Variants in CAPS2 observed in about 807,000 individuals in gnomAD.
CAPS2 encodes calcyphosin-2.
Under a neutral mutation model 86.5 loss-of-function variants are expected in CAPS2, and 98 were observed. That is an observed-to-expected ratio of 1.13 (90% CI 0.96 to 1.34). The LOEUF is 1.34. Among genes scored for constraint, CAPS2 ranks in the 40% most tolerant of loss-of-function variants. The probability of loss-of-function intolerance (pLI) is 0.00; values close to 1 mark genes in which losing one functional copy is unlikely to be tolerated. For synonymous variants in CAPS2, 210 were observed against 225.1 expected, an observed-to-expected ratio of 0.93 and a Z score of 0.60; for missense variants, 729 against 686.8, an observed-to-expected ratio of 1.06 and a Z score of -0.69.
chr12:75,335,844 T>C (rs1394408845), intron 1 of CAPS2, among the ~76,000 whole-genome samples: 1 of 151,990 alleles, frequency 6.6e-6, no homozygotes, highest in African/African-American at 2.4e-5. Context: ...TAACTAGAAA[T>C]AAATCTTCAA....
intron 8 of CAPS2, among the ~76,000 whole-genome samples, chr12:75,300,553 CT>C (rs1466751643): frequency 3.1e-5 from 2 of 64,184 alleles, no homozygotes; most frequent in African/African-American, 1.3e-4. Context: ...CAGACTCCGT[CT>C]CAAAAAAAAA....
intron 9 of CAPS2, 150 bp from the exon 10 acceptor site, chr12:75,299,116 A>C: frequency 1.9e-6 from 1 of 525,252 alleles, no homozygotes; most frequent in Non-Finnish European, 3.3e-6. Flanking sequence ...GGAAAACACA[A>C]AAACATAGCT....
At chr12:75,288,643 C>G (rs915779013) in intron 14 of CAPS2, among the ~76,000 whole-genome samples, 1 of 152,154 alleles carries the variant, frequency 6.6e-6, no homozygotes, top group Non-Finnish European at 1.5e-5. Flanking sequence ...AAAATCCAAC[C>G]CTCTTAGCAT....
At chr12:75,373,252 G>A (rs1211693010) in intron 1 of CAPS2, among the ~76,000 whole-genome samples, 1 of 152,176 alleles carries the variant, frequency 6.6e-6, no homozygotes, top group Non-Finnish European at 1.5e-5. Context: ...GATGACAGGG[G>A]TGTCTGGGGA....
rs573847915 is a variant in CAPS2, at chr12:75,291,140, A to C, written c.1240+604T>G. Among the ~76,000 whole-genome samples the C allele has an allele frequency of 6.6e-5, 10 of 152,086 alleles. No individual in the cohort carries two copies. In the South Asian group the frequency reaches 2.1e-3, roughly 31 times the overall value. Reference sequence around the variant, plus strand: ...ACAACCCTGGAAATTTCATATGAGAAGTACTATCATCCCTATTTTAGAGAT... The same window carrying C: ...ACAACCCTGGAAATTTCATATGAGACGTACTATCATCCCTATTTTAGAGAT... On this transcript the variant is annotated intron_variant, in intron 13 of 16. Transcript: ENST00000393284.
intron 1 of CAPS2, among the ~76,000 whole-genome samples, chr12:75,384,598 G>C (rs889671784): frequency 3.3e-5 from 5 of 152,144 alleles, no homozygotes; most frequent in African/African-American, 7.2e-5. Context: ...GATCGATTCT[G>C]TATAATGTCT....
At chr12:75,287,948 A>G (rs375855130) in intron 14 of CAPS2, among the ~76,000 whole-genome samples, 116 of 152,308 alleles carry the variant, frequency 7.6e-4, no homozygotes, top group Middle Eastern at 3.4e-3. Flanking sequence ...GGCTACCTCC[A>G]GGTAGATAAT....
chr12:75,289,566 A>C (rs1194227337), intron 14 of CAPS2, 55 bp downstream of exon 14: 3 of 1,477,916 alleles, frequency 2.0e-6, no homozygotes, highest in Non-Finnish European at 2.8e-6. Context: ...ACAGTGAATA[A>C]TGCCACCTAA....
chr12:75,310,409 G>T (rs180885099), intron 7 of CAPS2, among the ~76,000 whole-genome samples: 16 of 152,254 alleles, frequency 1.1e-4, no homozygotes, highest in African/African-American at 3.6e-4. Flanking sequence ...AATTTCTGGG[G>T]AAAAGGCATT....
At chr12:75,350,447 G>A (rs781017086) in intron 1 of CAPS2, among the ~76,000 whole-genome samples, 4 of 152,136 alleles carry the variant, frequency 2.6e-5, no homozygotes, top group East Asian at 3.9e-4. Context: ...GCATTCTGGC[G>A]GGCATCAGGT....
At chr12:75,276,216 A>C, downstream of CAPS2, 2 of 1,541,908 alleles carry the variant, frequency 1.3e-6, no homozygotes, top group Non-Finnish European at 1.8e-6. Context: ...TCTTTTTTTT[A>C]AGCATTTTCA....
At chr12:75,318,705 A>G (rs778504654) in intron 5 of CAPS2, among the ~76,000 whole-genome samples, 4 of 151,920 alleles carry the variant, frequency 2.6e-5, no homozygotes, top group Non-Finnish European at 5.9e-5. Flanking sequence ...CCTTCTATAC[A>G]CCACACTTTT....
intron 1 of CAPS2, among the ~76,000 whole-genome samples, chr12:75,359,202 G>T (rs147078132): frequency 9.1e-4 from 137 of 150,742 alleles, no homozygotes; most frequent in African/African-American, 3.1e-3. Context: ...ATTTATAATA[G>T]CATCAAAAAA....
intron 1 of CAPS2, among the ~76,000 whole-genome samples, chr12:75,359,463 G>A (rs11180474): frequency 0.42 from 59,344 of 141,938 alleles, 12,246 homozygotes; most frequent in South Asian, 0.57. Flanking sequence ...TTGACAAGTT[G>A]ATCAGAAAAT....
intron 1 of CAPS2, among the ~76,000 whole-genome samples, chr12:75,355,802 A>G (rs990537530): frequency 2.0e-5 from 3 of 152,226 alleles, no homozygotes; most frequent in Non-Finnish European, 4.4e-5. Context: ...CAGCCATAAA[A>G]AGGAATGAGA....
chr12:75,305,435 AG>A (rs757126696), intron 7 of CAPS2: 9 of 478,876 alleles, frequency 1.9e-5, no homozygotes, highest in Non-Finnish European at 3.5e-5. Flanking sequence ...CTCTTGTCAG[AG>A]GGCACAGACC....
At chr12:75,364,822 A>T (rs1389260234) in intron 1 of CAPS2, 1 of 152,148 alleles carries the variant, frequency 6.6e-6, no homozygotes, top group Non-Finnish European at 1.5e-5. Context: ...AAAATTTTTA[A>T]TATATAATTA....
chr12:75,362,628 G>A (rs572052348), intron 1 of CAPS2, among the ~76,000 whole-genome samples: 6 of 152,198 alleles, frequency 3.9e-5, no homozygotes, highest in South Asian at 2.1e-4. Flanking sequence ...AGATAAAGAG[G>A]CTTTGAAAAA....
intron 9 of CAPS2, 42 bp from the exon 10 acceptor site, chr12:75,299,008 A>C (rs772339182): frequency 7.7e-7 from 1 of 1,296,548 alleles, no homozygotes; most frequent in Non-Finnish European, 1.1e-6. Flanking sequence ...AAATAGAATA[A>C]TTTTTAGATG....
Sources: gnomAD v4.1 joint callset for allele counts (sites outside exome capture counted in the v4.1 genomes callset) on GRCh38, gnomAD v4.1.1 for gene constraint, MANE v1.5 for transcripts, NCBI Gene and HGNC (gene_info 2026-07-23, HGNC 2026-07-21) for gene names.